The following STARD13 variants were observed in gnomAD, a reference collection of about 807,000 sequenced individuals.
The protein encoded by STARD13 is stAR-related lipid transfer protein 13.
A neutral mutation model predicts 106.4 loss-of-function variants in STARD13; 62 were observed. The observed-to-expected ratio is 0.58, with a 90% CI of 0.48 to 0.72. The LOEUF is 0.72. Ranked by LOEUF, STARD13 falls within the 30% of genes least tolerant of loss-of-function variation. STARD13 has a pLI of 0.00. For synonymous variants in STARD13, 565 were observed against 553.0 expected, an observed-to-expected ratio of 1.02 and a Z score of -0.31; for missense variants, 1,387 against 1,424.0, an observed-to-expected ratio of 0.97 and a Z score of 0.42.
chr13:33,344,522 A>G (rs1210893946), downstream of STARD13, among the ~76,000 whole-genome samples: 1 of 152,150 alleles, frequency 6.6e-6, no homozygotes, highest in South Asian at 2.1e-4. Flanking sequence ...TTTGTGGCTC[A>G]TGTTTTATTC....
the STARD13 span, among the ~76,000 whole-genome samples, chr13:33,490,790 G>C: frequency 6.6e-6 from 1 of 152,222 alleles, no homozygotes; most frequent in Non-Finnish European, 1.5e-5. Context: ...TTGCGAAAAG[G>C]CAGAAGGTCC....
chr13:33,543,075 C>T, the STARD13 span, among the ~76,000 whole-genome samples: 6 of 152,186 alleles, frequency 3.9e-5, no homozygotes, highest in African/African-American at 1.2e-4. Context: ...GTTTTAAGTC[C>T]AGAAGAAACG....
At chr13:33,261,193 C>T (rs962708419) in intron 1 of STARD13, among the ~76,000 whole-genome samples, 7 of 152,182 alleles carry the variant, frequency 4.6e-5, no homozygotes, top group Admixed American at 1.3e-4. Context: ...CCTGAGAACA[C>T]AGGGCAATGT....
At chr13:33,662,187 C>T in the STARD13 span, among the ~76,000 whole-genome samples, 13 of 150,584 alleles carry the variant, frequency 8.6e-5, no homozygotes, top group South Asian at 2.1e-4. Context: ...GCGTGAACCC[C>T]GGAGGCGGAG....
chr13:33,214,833 A>C (rs1456556438), intron 1 of STARD13, among the ~76,000 whole-genome samples: 1 of 152,058 alleles, frequency 6.6e-6, no homozygotes, highest in African/African-American at 2.4e-5. Flanking sequence ...CACCACAGAC[A>C]TTGTGAGTTT....
chr13:33,647,197 C>T, the STARD13 span, among the ~76,000 whole-genome samples: 23 of 152,240 alleles, frequency 1.5e-4, no homozygotes, highest in East Asian at 2.1e-3. Flanking sequence ...GGCATGTGAA[C>T]GGATTTGATG....
chr13:33,664,758 C>A, the STARD13 span, among the ~76,000 whole-genome samples: 4 of 152,164 alleles, frequency 2.6e-5, no homozygotes, highest in Non-Finnish European at 5.9e-5. Flanking sequence ...TCCGGAGTAG[C>A]GGGGACTACA....
intron 3 of STARD13, among the ~76,000 whole-genome samples, chr13:33,163,730 A>G (rs1277373930): frequency 7.1e-6 from 1 of 139,906 alleles, no homozygotes; most frequent in Non-Finnish European, 1.6e-5. Flanking sequence ...TAACATATAT[A>G]AAACATATAT....
At chr13:33,603,094 A>G in the STARD13 span, among the ~76,000 whole-genome samples, 1 of 152,184 alleles carries the variant, frequency 6.6e-6, no homozygotes, top group African/African-American at 2.4e-5. Context: ...CTCTCAAAGT[A>G]TCAAACAAGC....
At chr13:33,311,940 T>C (rs1013067627) in intron 1 of STARD13, among the ~76,000 whole-genome samples, 1 of 152,226 alleles carries the variant, frequency 6.6e-6, no homozygotes, top group Non-Finnish European at 1.5e-5. Context: ...AGGGAAAGTG[T>C]AATTCTTTCA....
the STARD13 span, among the ~76,000 whole-genome samples, chr13:33,414,277 T>C: frequency 1.6e-4 from 25 of 152,256 alleles, no homozygotes; most frequent in African/African-American, 5.3e-4. Flanking sequence ...AGAAATTTCT[T>C]CCAGCAATTG....
At chr13:33,218,870 C>T (rs1380067647) in intron 1 of STARD13, among the ~76,000 whole-genome samples, 2 of 152,102 alleles carry the variant, frequency 1.3e-5, no homozygotes, top group Non-Finnish European at 2.9e-5. Flanking sequence ...CGAATTAGGT[C>T]ACATCATTCT....
At chr13:33,162,373 C>T (rs1187427548) in intron 3 of STARD13, among the ~76,000 whole-genome samples, 3 of 152,228 alleles carry the variant, frequency 2.0e-5, no homozygotes, top group Non-Finnish European at 4.4e-5. Context: ...GAGACATTTT[C>T]CCCATTGTCT....
chr13:33,623,514 T>C, the STARD13 span, among the ~76,000 whole-genome samples: 2 of 151,462 alleles, frequency 1.3e-5, no homozygotes, highest in Admixed American at 6.6e-5. Flanking sequence ...TGTGTATGTA[T>C]GTACATACAT....
the STARD13 span, among the ~76,000 whole-genome samples, chr13:33,557,611 G>A: frequency 6.6e-6 from 1 of 152,108 alleles, no homozygotes; most frequent in Non-Finnish European, 1.5e-5. Flanking sequence ...TACTATCACT[G>A]TATGTGTTAC....
the STARD13 span, among the ~76,000 whole-genome samples, chr13:33,365,284 G>C: frequency 6.6e-6 from 1 of 152,192 alleles, no homozygotes. Flanking sequence ...GAGAAATCTA[G>C]AAAGTAACAG....
rs750003375 is a variant in STARD13, at chr13:33,129,996, G to A, written c.681C>T (p.Leu227=). The A allele has an allele frequency of 8.7e-6, 14 of 1,612,948 alleles. No homozygotes were observed. The highest frequency in any genetic ancestry group is 8.3e-5 in the Admixed American group (5 of 59,986). Residue 227 remains leucine (L), a synonymous_variant, in exon 5 of 14, where the codon CTC becomes CTT. Transcript: ENST00000336934. ...TDNPVMLDAP[L]VSSSLPQPPR... ...GGGGCTGTGGGAGGCTGCTGCTGAC[G>A]AGTGGGGCATCCAGCATGACCGGGT...
intron 1 of STARD13, among the ~76,000 whole-genome samples, chr13:33,235,645 G>A (rs139424019): frequency 2.4e-4 from 36 of 152,274 alleles, no homozygotes; most frequent in African/African-American, 8.7e-4. Flanking sequence ...TAGCCCTGTC[G>A]AAGGGCACTG....
chr13:33,130,042 G>T lies in STARD13; in HGVS notation c.635C>A (p.Pro212Gln). ...SSGGSDSRSQPGQCCTDNPVM... is the reference protein window; with the variant it reads ...SSGGSDSRSQQGQCCTDNPVM... ...CGGGTTGTCTGTACAGCACTGGCCC[G>T]GCTGGCTGCGACTGTCGCTGCCTCC... The change falls in exon 5 of 14, where the codon CCG (proline) becomes CAG (glutamine). Residue 212 changes from proline to glutamine, a missense_variant. Physicochemically the swap from Pro to Gln is moderately conservative, Grantham distance 76. Coordinates refer to ENST00000336934, the MANE Select transcript of STARD13 (RefSeq NM_178006.4). The surrounding 1 kb of genome is among the most constrained non-coding windows in gnomAD (Gnocchi z 4.1). 6.2e-7 allele frequency: 1 copy of T among 1,613,564 alleles called. No individual in the cohort carries two copies. Among genetic ancestry groups the T allele is most frequent in the South Asian group, 1.1e-5 (1 of 91,044 alleles).
Sources: gnomAD v4.1 joint callset for allele counts (sites outside exome capture counted in the v4.1 genomes callset) on GRCh38, gnomAD v4.1.1 for gene constraint, Gnocchi (gnomAD v3.1) non-coding constraint, MANE v1.5 for transcripts, NCBI Gene and HGNC (gene_info 2026-07-23, HGNC 2026-07-21) for gene names.